Variants in FGD6 observed in about 807,000 individuals in gnomAD.
The protein encoded by FGD6 is FYVE, RhoGEF and PH domain-containing protein 6.
Under a neutral mutation model 149.4 loss-of-function variants are expected in FGD6, and 90 were observed. The ratio of observed to expected loss-of-function variants is 0.60; its 90% CI spans 0.51 to 0.72. The LOEUF is 0.72. Among genes scored for constraint, FGD6 ranks in the 30% least tolerant of loss-of-function variants. FGD6 has a pLI of 0.00. For synonymous variants in FGD6, 527 were observed against 584.0 expected (o/e 0.90, Z 1.41); for missense variants, 1,437 against 1,684.8 (o/e 0.85, Z 2.57).
intron 8 of FGD6, among the ~76,000 whole-genome samples, chr12:95,122,365 G>A (rs1193569282): frequency 1.3e-5 from 2 of 152,122 alleles, no homozygotes; most frequent in African/African-American, 2.4e-5. Context: ...GATCTGCTAT[G>A]CCAGGCACAG....
chr12:95,149,363 T>A (rs187702338), intron 5 of FGD6, among the ~76,000 whole-genome samples: 236 of 81,888 alleles, frequency 2.9e-3, no homozygotes, highest in South Asian at 3.8e-3. Context: ...TATATTATAT[T>A]ATATATAGCA....
At chr12:95,173,320 A>T (rs993871212) in intron 2 of FGD6, among the ~76,000 whole-genome samples, 5 of 152,186 alleles carry the variant, frequency 3.3e-5, no homozygotes, top group African/African-American at 1.2e-4. Flanking sequence ...TATGCTCAAG[A>T]CCTGCTGCAT....
intron 15 of FGD6, among the ~76,000 whole-genome samples, chr12:95,093,629 T>C (rs1385856436): frequency 6.6e-6 from 1 of 151,464 alleles, no homozygotes; most frequent in African/African-American, 2.4e-5. Flanking sequence ...TGAGCCGAGA[T>C]TGTGCCATTG....
intron 3 of FGD6, among the ~76,000 whole-genome samples, chr12:95,154,325 T>C (rs1344442868): frequency 6.6e-6 from 1 of 152,110 alleles, no homozygotes; most frequent in Non-Finnish European, 1.5e-5. Context: ...ACAAAAAAAA[T>C]GTGCATCTTT....
At chr12:95,176,508 C>T (rs561532916) in intron 2 of FGD6, among the ~76,000 whole-genome samples, 1 of 152,322 alleles carries the variant, frequency 6.6e-6, no homozygotes, top group South Asian at 2.1e-4. Context: ...GTCAGATTTG[C>T]TTCTGCAAGA....
At chr12:95,157,284 G>A (rs1434573540) in intron 3 of FGD6, among the ~76,000 whole-genome samples, 1 of 152,122 alleles carries the variant, frequency 6.6e-6, no homozygotes, top group African/African-American at 2.4e-5. Context: ...TATAAATACT[G>A]GGCTGGGTGC....
chr12:95,163,997 T>C (rs577467749), intron 3 of FGD6, among the ~76,000 whole-genome samples: 6 of 152,320 alleles, frequency 3.9e-5, no homozygotes, highest in African/African-American at 1.2e-4. Context: ...CATCTCAACT[T>C]TTCAGCTAAT....
Position 95,210,208 on chromosome 12 carries a change from T to C in FGD6, c.1076A>G (p.Asn359Ser), listed in dbSNP as rs2056717795. The stretch of plus-strand genomic sequence containing the variant: ...ATTCTGATGCAGAACACTGATTTTA[T>C]TGATTTTCAAACTATTTTCAGTAAG... Reference protein sequence around the residue: ...SCLTENSLKINKISVLHQNVL... With the variant: ...SCLTENSLKISKISVLHQNVL... The change falls in exon 2 of 21, where the codon AAT becomes AGT. Residue 359 changes from asparagine to serine, a missense_variant. Around this residue, in one of 2 missense-constraint regions of FGD6, gnomAD observed 1,055 missense variants for 1,146.0 expected, o/e 0.92. Transcript: ENST00000343958. 2 of 1,614,130 alleles carry C rather than the reference T, an allele frequency of 1.2e-6. No homozygotes were observed. Among genetic ancestry groups the C allele is most frequent in the Non-Finnish European group, 1.7e-6 (2 of 1,180,040 alleles).
At chr12:95,102,462 A>C (rs79695943) in intron 14 of FGD6, among the ~76,000 whole-genome samples, 3 of 139,814 alleles carry the variant, frequency 2.1e-5, no homozygotes, top group South Asian at 4.5e-4. Flanking sequence ...AAAAAAAAAA[A>C]AAAAACACAA....
intron 5 of FGD6, among the ~76,000 whole-genome samples, chr12:95,144,794 T>C (rs550768878): frequency 6.6e-6 from 1 of 151,852 alleles, no homozygotes; most frequent in Non-Finnish European, 1.5e-5. Context: ...TTCAAGTGAT[T>C]TCTCCTGCCT....
chr12:95,172,715 T>G lies in FGD6; in HGVS notation c.2471A>C (p.Asp824Ala). The change falls in exon 3 of 21, where the codon GAT (aspartate) becomes GCT (alanine). Residue 824 changes from aspartate (D) to alanine (A), a missense_variant. By Grantham distance (126) the Asp-to-Ala change is moderately radical (BLOSUM62 -2). Coordinates refer to ENST00000343958, the MANE Select transcript of FGD6 (RefSeq NM_018351.4). The stretch of plus-strand genomic sequence containing the variant: ...AGAGGGAAGGTCACCAAGACCAAGA[T>G]CATTCTGTTCCTCCTGGGATGCTCC... ...SSGASQEEQN[D>A]LGLGDLPSDE... The G allele has an allele frequency of 6.2e-7, 1 of 1,612,536 alleles. No individual in the cohort carries two copies. Among genetic ancestry groups the G allele is most frequent in the Non-Finnish European group, 8.5e-7 (1 of 1,179,174 alleles).
intron 8 of FGD6, among the ~76,000 whole-genome samples, chr12:95,122,421 G>T (rs1329465909): frequency 6.6e-6 from 1 of 151,206 alleles, no homozygotes; most frequent in Non-Finnish European, 1.5e-5. Flanking sequence ...TGAGGCAGTT[G>T]GATCACCTGA....
intron 2 of FGD6, among the ~76,000 whole-genome samples, chr12:95,198,153 T>C (rs1592873707): frequency 6.6e-6 from 1 of 152,138 alleles, no homozygotes; most frequent in African/African-American, 2.4e-5. Flanking sequence ...AAAAATAAAA[T>C]AATAGTGAAA....
chr12:95,107,083 C>T, intron 12 of FGD6, 46 bp from the exon 13 acceptor site: 1 of 1,372,822 alleles, frequency 7.3e-7, no homozygotes, highest in Non-Finnish European at 1.0e-6. Flanking sequence ...AAACACATTA[C>T]TGCCACAAAG....
At chr12:95,115,499 G>C (rs1018142795) in intron 8 of FGD6, among the ~76,000 whole-genome samples, 55 of 149,138 alleles carry the variant, frequency 3.7e-4, no homozygotes, top group African/African-American at 1.3e-3. Context: ...GCCTACCAAA[G>C]TGCTGGAATT....
chr12:95,205,318 T>C (rs936270475), intron 2 of FGD6, among the ~76,000 whole-genome samples: 7 of 152,108 alleles, frequency 4.6e-5, no homozygotes, highest in Non-Finnish European at 1.0e-4. Context: ...ACATCTATAT[T>C]CTAAAGAATA....
At chr12:95,094,716 A>T in intron 14 of FGD6, 22 bp from the exon 15 acceptor site, 1 of 1,536,786 alleles carries the variant, frequency 6.5e-7, no homozygotes, top group South Asian at 1.1e-5. Flanking sequence ...AAAAGGTTTC[A>T]TCAACCAGAT....
intron 2 of FGD6, among the ~76,000 whole-genome samples, chr12:95,174,590 T>C (rs1881076188): frequency 6.6e-6 from 1 of 152,112 alleles, no homozygotes; most frequent in Admixed American, 6.5e-5. Flanking sequence ...CTAAGTATAA[T>C]AGATTCAGAT....
intron 8 of FGD6, among the ~76,000 whole-genome samples, chr12:95,114,226 CT>C (rs1878932769): frequency 6.6e-6 from 1 of 151,988 alleles, no homozygotes; most frequent in Non-Finnish European, 1.5e-5. Flanking sequence ...AATTTGCCCC[CT>C]AGGGTACATC....
Sources: gnomAD v4.1 joint callset for allele counts (sites outside exome capture counted in the v4.1 genomes callset) on GRCh38, gnomAD v4.1.1 for gene constraint, gnomAD v4.1.1 regional missense constraint, MANE v1.5 for transcripts, NCBI Gene and HGNC (gene_info 2026-07-23, HGNC 2026-07-21) for gene names.